Variants in TTC34 observed in about 807,000 individuals in gnomAD.
TTC34 encodes tetratricopeptide repeat protein 34.
Under a neutral mutation model 40.7 loss-of-function variants are expected in TTC34, and 44 were observed. The ratio of observed to expected loss-of-function variants is 1.08; its 90% CI spans 0.85 to 1.39. The LOEUF (loss-of-function observed/expected upper bound fraction) is 1.39, where lower values mean the gene tolerates loss of function less well. TTC34 is among the 40% of genes most tolerant of loss of function. TTC34 has a pLI of 0.00. For synonymous variants in TTC34, 422 were observed against 398.6 expected, an observed-to-expected ratio of 1.06 and a Z score of -0.70; for missense variants, 884 against 838.0, an observed-to-expected ratio of 1.05 and a Z score of -0.68.
intron 6 of TTC34, among the ~76,000 whole-genome samples, chr1:2,691,654 G>A (rs1371476290): frequency 9.1e-6 from 1 of 109,694 alleles, no homozygotes; most frequent in Non-Finnish European, 2.1e-5. Context: ...GCCTGGAACA[G>A]CACCGACACC....
chr1:2,768,174 G>A (rs1641847263), intron 6 of TTC34, among the ~76,000 whole-genome samples: 1 of 151,826 alleles, frequency 6.6e-6, no homozygotes, highest in Admixed American at 6.6e-5. Flanking sequence ...ACCTTCAGGT[G>A]AGCATCTGAC....
intron 6 of TTC34, among the ~76,000 whole-genome samples, chr1:2,750,960 C>T (rs1641299725): frequency 8.4e-6 from 1 of 118,762 alleles, no homozygotes; most frequent in African/African-American, 3.7e-5. Flanking sequence ...TGGAGCAGCA[C>T]CCACACCCCC....
chr1:2,767,650 G>T lies in TTC34; in HGVS notation c.2226+15959C>A, dbSNP rs1641811862. Among the ~76,000 whole-genome samples, 2 of 102,362 alleles carry T rather than the reference G, an allele frequency of 2.0e-5. 1 individual carries two copies. The highest frequency in any genetic ancestry group is 8.6e-3 in the Middle Eastern group (2 of 232). The allele number at this position is 102,362 out of a possible 152,430, so 67.2% of individuals were successfully genotyped here. A position where few individuals can be genotyped will look rare whatever the true frequency, so the allele number is the denominator to read the frequency against. Reference sequence around the variant, plus strand: ...TATGGAATGACATCCTCACATCCAGGTGAGCATCCGACAGCGTGGAACAGA... The same window carrying T: ...TATGGAATGACATCCTCACATCCAGTTGAGCATCCGACAGCGTGGAACAGA... On this transcript the variant is annotated intron_variant, in intron 6 of 8. Transcript: ENST00000401095.
chr1:2,774,680 G>C (rs1642895571), intron 6 of TTC34: 3 of 118,560 alleles, frequency 2.5e-5, no homozygotes, highest in Non-Finnish European at 3.4e-5. Flanking sequence ...GCGAGCATCT[G>C]ACAGCCTGGA....
chr1:2,787,663 G>A, exon 4 of TTC34: 2 of 1,549,448 alleles, frequency 1.3e-6, no homozygotes, highest in Non-Finnish European at 1.7e-6. Context: ...TCTGAATCCA[G>A]CTCCATCAGC....
intron 6 of TTC34, among the ~76,000 whole-genome samples, chr1:2,684,756 A>C (rs75600997): frequency 0.063 from 847 of 13,346 alleles, no homozygotes; most frequent in Middle Eastern, 0.12. Flanking sequence ...AGCACCAAAA[A>C]CCCCAGGTGA....
At chr1:2,685,113 C>T (rs546365623) in intron 6 of TTC34, among the ~76,000 whole-genome samples, 158 of 145,620 alleles carry the variant, frequency 1.1e-3, no homozygotes, top group African/African-American at 4.1e-3. Context: ...GGATCAGCAC[C>T]CACACCCCCA....
Position 2,645,397 on chromosome 1 carries a change from T to G in TTC34, c.2393A>C (p.Asp798Ala). ...AGCAAGGAGGCCCTGGGTGTCCTTG[T>G]CCTCGAGAGGGGCCCCAGTGTCTGG... Residue 798 changes from aspartate to alanine, a missense_variant, in exon 7 of 9, where the codon GAC (aspartate) becomes GCC (alanine). Asp to Ala is a moderately radical substitution (Grantham distance 126). Transcript: ENST00000401095. This position sits in a 1 kb window ranked among gnomAD's most constrained non-coding sequence, Gnocchi z 4.7. The G allele has an allele frequency of 6.5e-7, 1 of 1,535,700 alleles. No homozygotes were observed. Among genetic ancestry groups the G allele is most frequent in the South Asian group, 1.2e-5 (1 of 84,024 alleles).
chr1:2,695,683 T>A (rs146914171), intron 6 of TTC34, among the ~76,000 whole-genome samples: 2 of 1,954 alleles, frequency 1.0e-3, no homozygotes, highest in Non-Finnish European at 2.3e-3. Flanking sequence ...CACCCCCAGG[T>A]GAGCATCTGA....
In TTC34 at chr1:2,641,635, C is replaced by A. The variant is rs767944892; in HGVS notation, c.2973G>T (p.Gly991=). 3.9e-5 allele frequency: 60 copies of A among 1,535,118 alleles called. No individual in the cohort carries two copies. In the East Asian group the frequency reaches 9.0e-4, roughly 23 times the overall value. Residue 991 remains glycine, a synonymous_variant, in exon 9 of 9, where the codon GGG becomes GGT. Transcript: ENST00000401095. ...AGGCCCCTGCGGCCGCCGCCTCATC[C>A]CCCAGGCTCAGCAGCAGGCGACCCT... is the stretch of plus-strand genomic sequence containing the variant.
chr1:2,755,772 C>T (rs1427848180), intron 6 of TTC34, among the ~76,000 whole-genome samples: 4 of 121,974 alleles, frequency 3.3e-5, no homozygotes, highest in African/African-American at 7.1e-5. Flanking sequence ...CAGCCTGGAA[C>T]GGCACCCACA....
intron 6 of TTC34, among the ~76,000 whole-genome samples, chr1:2,684,429 C>T (rs1327664762): frequency 3.0e-5 from 4 of 135,036 alleles, no homozygotes; most frequent in Non-Finnish European, 4.8e-5. Flanking sequence ...TGGAACACCA[C>T]CCTGCACCCC....
At chr1:2,754,819 C>G (rs1435069261) in intron 6 of TTC34, among the ~76,000 whole-genome samples, 3 of 98,398 alleles carry the variant, frequency 3.0e-5, no homozygotes, top group African/African-American at 1.1e-4. Flanking sequence ...GAAACCACAC[C>G]CCCAGGTGAG....
chr1:2,683,744 G>A (rs1392737478), intron 6 of TTC34, among the ~76,000 whole-genome samples: 2 of 149,080 alleles, frequency 1.3e-5, no homozygotes, highest in Non-Finnish European at 2.9e-5. Context: ...TCCTGGAACA[G>A]CACCCACACC....
chr1:2,780,078 C>G (rs1225568717), intron 6 of TTC34, among the ~76,000 whole-genome samples: 1 of 152,208 alleles, frequency 6.6e-6, no homozygotes, highest in Non-Finnish European at 1.5e-5. Context: ...CCCGCCACTG[C>G]ACTCCAGCCT....
chr1:2,660,371 A>ACAG (rs1639502968), intron 6 of TTC34, among the ~76,000 whole-genome samples: 4 of 103,034 alleles, frequency 3.9e-5, no homozygotes, highest in Admixed American at 9.6e-5. Context: ...GCATCCGATG[A>ACAG]CCTGGAGCAG....
chr1:2,751,578 G>C (rs1282512083), intron 6 of TTC34, among the ~76,000 whole-genome samples: 1 of 110,644 alleles, frequency 9.0e-6, no homozygotes, highest in African/African-American at 4.0e-5. Context: ...CCCCAGGTGC[G>C]CACGTGACAG....
intron 6 of TTC34, among the ~76,000 whole-genome samples, chr1:2,751,394 G>A (rs1641314265): frequency 1.4e-5 from 2 of 147,204 alleles, no homozygotes; most frequent in Non-Finnish European, 1.5e-5. Context: ...ATGGTCTGGA[G>A]CAGCACCCAC....
chr1:2,645,260 C>T lies in TTC34; in HGVS notation c.2497+33G>A. On this transcript the variant is annotated intron_variant, in intron 7 of 8. Transcript: ENST00000401095. The surrounding 1 kb of genome is among the most constrained non-coding windows in gnomAD (Gnocchi z 4.7). Reference sequence around the variant, plus strand: ...AGAGGAGCGGGGACAGAAGCCCAGACCCCGTGTTTCCCACCTTGGGGCCGC... The same window carrying T: ...AGAGGAGCGGGGACAGAAGCCCAGATCCCGTGTTTCCCACCTTGGGGCCGC... 1.4e-6 allele frequency: 2 copies of T among 1,439,256 alleles called. No homozygotes were observed. The highest frequency in any genetic ancestry group is 1.8e-6 in the Non-Finnish European group (2 of 1,098,288). The allele number at this position is 1,439,256 out of a possible 1,614,324, so 89.2% of individuals were successfully genotyped here.
Sources: allele counts gnomAD v4.1 joint callset (sites outside exome capture counted in the v4.1 genomes callset), GRCh38; gene constraint gnomAD v4.1.1; non-coding constraint Gnocchi (gnomAD v3.1); transcripts MANE v1.5; gene names NCBI Gene and HGNC (gene_info 2026-07-23, HGNC 2026-07-21).